The following SMARCA4 variants were observed in gnomAD, a reference collection of about 807,000 sequenced individuals.
SMARCA4 encodes the protein SWI/SNF-related matrix-associated actin-dependent regulator of chromatin subfamily A member 4.
SMARCA4 carries 31 observed loss-of-function variants against 193.9 expected under a neutral mutation model. The observed-to-expected ratio is 0.16, with a 90% CI of 0.12 to 0.22. The LOEUF is 0.22. Ranked by LOEUF, SMARCA4 falls within the 10% of genes least tolerant of loss-of-function variation. SMARCA4 has a pLI of 1.00. For synonymous variants in SMARCA4, 942 were observed against 933.1 expected (o/e 1.01, Z -0.17); for missense variants, 1,148 against 2,296.0 (o/e 0.50, Z 10.22).
intron 23 of SMARCA4, among the ~76,000 whole-genome samples, chr19:11,027,233 C>T (rs759821590): frequency 1.7e-4 from 26 of 152,316 alleles, no homozygotes; most frequent in Admixed American, 1.6e-3. Context: ...GGGTCCTGTA[C>T]ACCTGGCTTC....
Position 11,033,613 on chromosome 19 carries a change from T to A in SMARCA4, c.3774+96T>A. 1 of 918,282 alleles carries A rather than the reference T, an allele frequency of 1.1e-6. No homozygotes were observed. Among genetic ancestry groups the A allele is most frequent in the Non-Finnish European group, 1.8e-6 (1 of 554,510 alleles). The allele number at this position is 918,282 out of a possible 1,614,324, so 56.9% of individuals were successfully genotyped here. A position where few individuals can be genotyped will look rare whatever the true frequency, so the allele number is the denominator to read the frequency against. ...TTTTTTACCTTTTTTGCACTCTTAT[T>A]TTTTTTGCATCCCTTTGGAGTAAAG... On this transcript the variant is annotated intron_variant, in intron 26 of 34. Transcript: ENST00000344626. This position sits in a 1 kb window ranked among gnomAD's most constrained non-coding sequence, Gnocchi z 9.8.
At position 11,024,241 on chromosome 19, in the gene SMARCA4, A is replaced by G. The variant is rs2090085141; in HGVS notation, c.2974-90A>G. 8 of 861,516 alleles carry G rather than the reference A, an allele frequency of 9.3e-6. 1 individual carries two copies. In the South Asian group the frequency reaches 1.1e-4, roughly 11 times the overall value. The allele number at this position is 861,516 out of a possible 1,614,324, so 53.4% of individuals were successfully genotyped here. ...GTGCTCTGGTCAGAGCTCATATGAC[A>G]GGGCCGAGGGGGTCAGAGCTGGGTT... On this transcript the variant is annotated intron_variant, in intron 20 of 34. Coordinates refer to ENST00000344626, the MANE Select transcript of SMARCA4 (RefSeq NM_003072.5).
At chr19:11,042,913 T>G (rs1268713718) in intron 30 of SMARCA4, among the ~76,000 whole-genome samples, 1 of 152,160 alleles carries the variant, frequency 6.6e-6, no homozygotes, top group Non-Finnish European at 1.5e-5. Context: ...AAGTGGAGGT[T>G]GCTGTGGACC....
chr19:10,995,053 G>T, intron 9 of SMARCA4, 52 bp downstream of exon 9: 1 of 1,514,448 alleles, frequency 6.6e-7, no homozygotes. Context: ...AGCTGGTACT[G>T]CGGGCTCCAG....
At chr19:11,057,062 C>G (rs1195561036) in intron 30 of SMARCA4, among the ~76,000 whole-genome samples, 4 of 152,234 alleles carry the variant, frequency 2.6e-5, no homozygotes, top group Non-Finnish European at 5.9e-5. Context: ...TATCAGGACC[C>G]AAGCTCAGCT....
intron 1 of SMARCA4, among the ~76,000 whole-genome samples, chr19:10,968,394 A>G (rs1260998379): frequency 6.6e-6 from 1 of 152,152 alleles, no homozygotes; most frequent in East Asian, 1.9e-4. Flanking sequence ...GACACTTGTC[A>G]CTGTGAACCG....
At chr19:11,039,472 A>T in intron 29 of SMARCA4, 1 of 1,597,496 alleles carries the variant, frequency 6.3e-7, no homozygotes, top group Non-Finnish European at 8.5e-7. Context: ...TTACAGGAAA[A>T]GATATCCATG....
At chr19:10,973,197 C>T (rs1028186815) in intron 1 of SMARCA4, among the ~76,000 whole-genome samples, 15 of 152,034 alleles carry the variant, frequency 9.9e-5, no homozygotes, top group Admixed American at 3.3e-4. Context: ...GGTTACTCTG[C>T]GTGTTATGTT....
Position 11,046,949 on chromosome 19 carries a change from A to G in SMARCA4, c.4424+5389A>G, listed in dbSNP as rs1037812273. ...GGTGACAGAGGTGAGACCCTGTTGC[A>G]AAAAAAAAAAAAAAAAAAGCAAAAG... is the stretch of plus-strand genomic sequence containing the variant. On this transcript the variant is annotated intron_variant, in intron 30 of 34. Coordinates refer to ENST00000344626, the MANE Select transcript of SMARCA4 (RefSeq NM_003072.5). Among the ~76,000 whole-genome samples, 6 of 49,778 alleles carry G rather than the reference A, an allele frequency of 1.2e-4. No homozygotes were observed. The East Asian group carries it at 3.4e-3, about 28-fold the overall frequency. The allele number at this position is 49,778 out of a possible 152,430, so 32.7% of individuals were successfully genotyped here. A position where few individuals can be genotyped will look rare whatever the true frequency, so the allele number is the denominator to read the frequency against.
At chr19:11,045,149 T>C (rs2075827354) in intron 30 of SMARCA4, among the ~76,000 whole-genome samples, 1 of 151,940 alleles carries the variant, frequency 6.6e-6, no homozygotes, top group Non-Finnish European at 1.5e-5. Context: ...TGAAACACCG[T>C]CTCTACTAAA....
At position 11,059,632 on chromosome 19, in the gene SMARCA4, C is replaced by A. The variant is rs1005076525; in HGVS notation, c.4636-121C>A. On this transcript the variant is annotated intron_variant, in intron 32 of 34. Transcript: ENST00000344626. ...TGAAGCCCCGACCCGCTGAGGCTCG[C>A]ATTGGCCACTGATCAGCTGTCCAGG... 5.3e-6 allele frequency: 6 copies of A among 1,123,736 alleles called. No individual in the cohort carries two copies. In the African/African-American group the frequency reaches 9.3e-5, roughly 17 times the overall value. The allele number at this position is 1,123,736 out of a possible 1,614,324, so 69.6% of individuals were successfully genotyped here.
intron 13 of SMARCA4, among the ~76,000 whole-genome samples, chr19:11,006,681 A>G (rs1473650401): frequency 6.6e-6 from 1 of 152,210 alleles, no homozygotes; most frequent in Non-Finnish European, 1.5e-5. Flanking sequence ...CTGCTTTAGT[A>G]GGTCAGCAGA....
chr19:10,991,194 G>A lies in SMARCA4; in HGVS notation c.1290G>A (p.Leu430=), dbSNP rs1421114940. Residue 430 remains leucine, a synonymous_variant, in exon 8 of 35, where the codon CTG becomes CTA. Transcript: ENST00000344626. The part of the protein sequence containing the change: ...VVVCMRRDTA[L]ETALNAKAYK... ...TGTGCATGCGGAGGGACACAGCGCT[G>A]GAGACAGCCCTCAATGCTAAGGCCT... The A allele has an allele frequency of 6.2e-7, 1 of 1,613,804 alleles. No individual in the cohort carries two copies. The highest frequency in any genetic ancestry group is 2.2e-5 in the East Asian group (1 of 44,892).
chr19:11,017,766 C>T (rs1247592757), intron 16 of SMARCA4, among the ~76,000 whole-genome samples: 1 of 152,264 alleles, frequency 6.6e-6, no homozygotes, highest in African/African-American at 2.4e-5. Context: ...CCCTACGGGC[C>T]AGGTCCGGTG....
intron 1 of SMARCA4, among the ~76,000 whole-genome samples, chr19:10,972,410 T>TG (rs2145543118): frequency 6.6e-6 from 1 of 152,146 alleles, no homozygotes; most frequent in South Asian, 2.1e-4. Flanking sequence ...ATACTTTTTT[T>TG]TTTTTTTAAT....
chr19:10,985,019 G>C lies in SMARCA4; in HGVS notation c.223-254G>C, dbSNP rs2085893204. ...GGGCCACAGGAGGTCCCGGGTGGTA[G>C]AAGATGAGGATTGCTTGACCACAGT... On this transcript the variant is annotated intron_variant, in intron 2 of 34. Coordinates refer to ENST00000344626, the MANE Select transcript of SMARCA4 (RefSeq NM_003072.5). The surrounding 1 kb of genome is among the most constrained non-coding windows in gnomAD (Gnocchi z 4.5). 6.6e-6 allele frequency among the ~76,000 whole-genome samples: 1 copy of C among 152,192 alleles called. No individual in the cohort carries two copies. Among genetic ancestry groups the C allele is most frequent in the African/African-American group, 2.4e-5 (1 of 41,446 alleles).
Position 11,058,800 on chromosome 19 carries a change from A to G in SMARCA4, c.4546A>G (p.Asn1516Asp), listed in dbSNP as rs587778684. 1.4e-5 allele frequency: 23 copies of G among 1,614,116 alleles called. No individual in the cohort carries two copies. The highest frequency in any genetic ancestry group is 1.9e-5 in the Non-Finnish European group (22 of 1,180,010). ...DFKKIKERIR[N>D]HKYRSLNDLE... ...CCGTCCACTGCAGGAGCGCATTCGCAACCACAAGTACCGCAGCCTCAACGA... is the reference window on the plus strand; with the variant it reads ...CCGTCCACTGCAGGAGCGCATTCGCGACCACAAGTACCGCAGCCTCAACGA... The change falls in exon 32 of 35, where the codon AAC (asparagine) becomes GAC (aspartate). Residue 1516 changes from asparagine (N) to aspartate (D), a missense_variant. Physicochemically the swap from Asn to Asp is conservative, Grantham distance 23. Coordinates refer to ENST00000344626, the MANE Select transcript of SMARCA4 (RefSeq NM_003072.5). The surrounding 1 kb of genome is among the most constrained non-coding windows in gnomAD (Gnocchi z 5.8).
At position 11,008,557 on chromosome 19, in the gene SMARCA4, G is replaced by A. The variant is rs116945003; in HGVS notation, c.2123+534G>A. On this transcript the variant is annotated intron_variant, in intron 14 of 34. Coordinates refer to ENST00000344626, the MANE Select transcript of SMARCA4 (RefSeq NM_003072.5). The stretch of plus-strand genomic sequence containing the variant: ...TGCGTCACGTTATATTCTCATTTTC[G>A]TAGCCTGTCCTTTGGTGACAAGCGT... Among the ~76,000 whole-genome samples the A allele has an allele frequency of 5.7e-3, 860 of 152,174 alleles. 3 individuals carry two copies. The highest frequency in any genetic ancestry group is 8.6e-3 in the Non-Finnish European group (586 of 68,006).
chr19:10,996,072 G>C, intron 9 of SMARCA4, 141 bp from the exon 10 acceptor site: 1 of 839,704 alleles, frequency 1.2e-6, no homozygotes, highest in East Asian at 2.4e-5. Flanking sequence ...ATGAGGAGTC[G>C]ATTGCCGTGT....
Sources: allele counts gnomAD v4.1 joint callset (sites outside exome capture counted in the v4.1 genomes callset), GRCh38; gene constraint gnomAD v4.1.1; non-coding constraint Gnocchi (gnomAD v3.1); transcripts MANE v1.5; gene names NCBI Gene and HGNC (gene_info 2026-07-23, HGNC 2026-07-21).